PDCD1LG2: variants seen among roughly 807,000 people sequenced by gnomAD.
PDCD1LG2 encodes programmed cell death 1 ligand 2, also known as B7 dendritic cell molecule.
A neutral mutation model predicts 28.2 loss-of-function variants in PDCD1LG2; 32 were observed. That is an observed-to-expected ratio of 1.13 (90% CI 0.86 to 1.52). The LOEUF (loss-of-function observed/expected upper bound fraction) is 1.52, where lower values mean the gene tolerates loss of function less well. PDCD1LG2 is among the 40% of genes most tolerant of loss of function. PDCD1LG2 has a pLI of 0.00. For synonymous variants in PDCD1LG2, 116 were observed against 120.2 expected (o/e 0.97, Z 0.23); for missense variants, 385 against 323.8 (o/e 1.19, Z -1.45).
intron 1 of PDCD1LG2, among the ~76,000 whole-genome samples, chr9:5,516,826 A>G (rs749145698): frequency 2.4e-4 from 37 of 152,238 alleles, no homozygotes; most frequent in Non-Finnish European, 4.1e-4. Flanking sequence ...AGGAGTGGGA[A>G]GAGGCCAGGG....
intron 2 of PDCD1LG2, among the ~76,000 whole-genome samples, chr9:5,529,277 T>C (rs1009339037): frequency 7.9e-5 from 12 of 152,214 alleles, no homozygotes; most frequent in African/African-American, 2.4e-4. Flanking sequence ...ACACATTTTG[T>C]AGTTGTATAT....
chr9:5,511,990 C>T (rs1478075361), intron 1 of PDCD1LG2, among the ~76,000 whole-genome samples: 2 of 152,092 alleles, frequency 1.3e-5, no homozygotes, highest in Non-Finnish European at 2.9e-5. Flanking sequence ...GATGAAATGT[C>T]AGGAGAATCA....
intron 3 of PDCD1LG2, among the ~76,000 whole-genome samples, chr9:5,535,369 C>G (rs188476653): frequency 6.6e-6 from 1 of 152,134 alleles, no homozygotes; most frequent in East Asian, 1.9e-4. Flanking sequence ...CATGGAACAT[C>G]CCTGACTTGA....
chr9:5,529,348 G>T (rs1030145969), intron 2 of PDCD1LG2, among the ~76,000 whole-genome samples: 6 of 152,246 alleles, frequency 3.9e-5, no homozygotes, highest in Admixed American at 3.3e-4. Context: ...TATAGGTTAA[G>T]CTCATTTTAG....
intron 5 of PDCD1LG2, among the ~76,000 whole-genome samples, chr9:5,558,404 G>T (rs1030384975): frequency 6.6e-6 from 1 of 152,146 alleles, no homozygotes; most frequent in Admixed American, 6.5e-5. Context: ...TTGCTTCATT[G>T]TTCATGTGTC....
intron 2 of PDCD1LG2, among the ~76,000 whole-genome samples, chr9:5,525,413 T>G (rs1013684693): frequency 6.7e-6 from 1 of 148,876 alleles, no homozygotes; most frequent in Non-Finnish European, 1.5e-5. Context: ...ATAAAAACAA[T>G]CCATATGCCC....
intron 5 of PDCD1LG2, among the ~76,000 whole-genome samples, chr9:5,558,828 G>A (rs1479805298): frequency 6.6e-6 from 1 of 152,158 alleles, no homozygotes; most frequent in Non-Finnish European, 1.5e-5. Flanking sequence ...GGGAGTGAGG[G>A]AGAAAGAGAA....
intron 6 of PDCD1LG2, among the ~76,000 whole-genome samples, chr9:5,568,875 A>G (rs1472559199): frequency 6.6e-6 from 1 of 152,214 alleles, no homozygotes. Flanking sequence ...ACAATACATG[A>G]AAGTTCAGAG....
intron 3 of PDCD1LG2, among the ~76,000 whole-genome samples, chr9:5,547,193 G>A (rs960735940): frequency 2.0e-5 from 3 of 152,186 alleles, no homozygotes; most frequent in Non-Finnish European, 2.9e-5. Context: ...TTATTTTAAT[G>A]TGAAATTGTT....
At chr9:5,543,602 G>A (rs1820733301) in intron 3 of PDCD1LG2, among the ~76,000 whole-genome samples, 1 of 150,888 alleles carries the variant, frequency 6.6e-6, no homozygotes, top group African/African-American at 2.4e-5. Context: ...GGCAGAGGAA[G>A]GAAACAATCA....
At chr9:5,537,914 C>T (rs986794328) in intron 3 of PDCD1LG2, among the ~76,000 whole-genome samples, 1 of 152,052 alleles carries the variant, frequency 6.6e-6, no homozygotes, top group Non-Finnish European at 1.5e-5. Context: ...ACACCCTGAA[C>T]ATTTAAAGCT....
intron 5 of PDCD1LG2, among the ~76,000 whole-genome samples, chr9:5,562,175 G>T (rs1816578178): frequency 6.6e-6 from 1 of 152,186 alleles, no homozygotes; most frequent in African/African-American, 2.4e-5. Flanking sequence ...GGGAATATGT[G>T]AAATCAGAGG....
intron 6 of PDCD1LG2, among the ~76,000 whole-genome samples, chr9:5,568,937 T>G (rs1586824917): frequency 6.6e-6 from 1 of 152,126 alleles, no homozygotes; most frequent in African/African-American, 2.4e-5. Context: ...GAAGAAAGTT[T>G]TCATGGAGAA....
At chr9:5,524,594 C>G (rs903036603) in intron 2 of PDCD1LG2, among the ~76,000 whole-genome samples, 1 of 151,846 alleles carries the variant, frequency 6.6e-6, no homozygotes, top group Admixed American at 6.6e-5. Context: ...TTTCATGTCT[C>G]TTTAATTAAA....
intron 2 of PDCD1LG2, among the ~76,000 whole-genome samples, chr9:5,525,135 G>A (rs1254263160): frequency 6.6e-6 from 1 of 152,100 alleles, no homozygotes; most frequent in Non-Finnish European, 1.5e-5. Flanking sequence ...ATCACCTCAG[G>A]TCAGGAGTTC....
chr9:5,522,304 GGAA>G (rs1325293761), intron 1 of PDCD1LG2, among the ~76,000 whole-genome samples: 2 of 152,272 alleles, frequency 1.3e-5, no homozygotes, highest in South Asian at 2.1e-4. Context: ...CATTAGAAAA[GGAA>G]GAAGAACTTC....
chr9:5,557,781 A>G (rs1460986915), intron 5 of PDCD1LG2, 29 bp downstream of exon 5: 3 of 1,611,646 alleles, frequency 1.9e-6, no homozygotes, highest in Non-Finnish European at 2.5e-6. Context: ...TGGTAACCCA[A>G]TGCACTGGGT....
At chr9:5,545,846 T>C (rs1283584484) in intron 3 of PDCD1LG2, among the ~76,000 whole-genome samples, 1 of 152,144 alleles carries the variant, frequency 6.6e-6, no homozygotes, top group Non-Finnish European at 1.5e-5. Context: ...TGTGGAACAA[T>C]CATCAAAGCA....
chr9:5,522,225 C>T (rs750130507), intron 1 of PDCD1LG2, among the ~76,000 whole-genome samples: 3 of 152,200 alleles, frequency 2.0e-5, no homozygotes, highest in Non-Finnish European at 4.4e-5. Context: ...CTATGGAAAG[C>T]TTCATGAGAC....
Sources: allele counts gnomAD v4.1 joint callset (sites outside exome capture counted in the v4.1 genomes callset), GRCh38; gene constraint gnomAD v4.1.1; transcripts MANE v1.5; gene names NCBI Gene and HGNC (gene_info 2026-07-23, HGNC 2026-07-21).